Variants in FMN1 observed in about 807,000 individuals in gnomAD.
The protein encoded by FMN1 is formin 1, also known as formin-1.
In FMN1, 110 loss-of-function variants were observed where a neutral mutation model predicts 132.4. The ratio of observed to expected loss-of-function variants is 0.83; its 90% CI spans 0.71 to 0.97. The LOEUF (loss-of-function observed/expected upper bound fraction) is 0.97. Among genes scored for constraint, FMN1 ranks in the 50% least tolerant of loss-of-function variants. The pLI is 0.00. For synonymous variants in FMN1, 722 were observed against 651.7 expected (o/e 1.11, Z -1.64); for missense variants, 1,792 against 1,705.3 (o/e 1.05, Z -0.90).
In FMN1 at chr15:32,968,723, C is replaced by T. The variant is rs2031477563; in HGVS notation, c.2978G>A (p.Ser993Asn). The T allele has an allele frequency of 6.2e-7, 1 of 1,613,454 alleles. No homozygotes were observed. The highest frequency in any genetic ancestry group is 1.3e-5 in the African/African-American group (1 of 74,864). ...KPLYWTRIQISDRSQNATPTL... is the reference protein window; with the variant it reads ...KPLYWTRIQINDRSQNATPTL... ...ATAGGGGAGAACTTACCTCCTATCACTTATTTGTATCCTAGTCCAATATAA... is the reference window on the plus strand; with the variant it reads ...ATAGGGGAGAACTTACCTCCTATCATTTATTTGTATCCTAGTCCAATATAA... The change falls in exon 8 of 21, where the codon AGT becomes AAT. Residue 993 changes from serine to asparagine, a missense_variant. By Grantham distance (46) the Ser-to-Asn change is conservative (BLOSUM62 1). Transcript: ENST00000616417.
At chr15:33,067,735 T>C (rs2037812258) in intron 5 of FMN1, 19 of 1,613,924 alleles carry the variant, frequency 1.2e-5, no homozygotes, top group Non-Finnish European at 1.4e-5. Context: ...CTTCCTCTTC[T>C]GGATTCACAG....
intron 5 of FMN1, among the ~76,000 whole-genome samples, chr15:33,065,816 T>C (rs1005595706): frequency 6.6e-6 from 1 of 152,222 alleles, no homozygotes; most frequent in African/African-American, 2.4e-5. Context: ...TGCTCATCTT[T>C]ATAAATTACC....
chr15:32,782,094 A>G (rs1258714), intron 19 of FMN1, among the ~76,000 whole-genome samples: 149,238 of 152,318 alleles, frequency 0.98, 73,178 homozygotes, highest in Middle Eastern at 1. Flanking sequence ...CTTTTCTTAA[A>G]TGACAAAGCA....
chr15:33,031,746 A>C (rs561833887), intron 6 of FMN1, among the ~76,000 whole-genome samples: 21 of 152,220 alleles, frequency 1.4e-4, no homozygotes, highest in Non-Finnish European at 3.1e-4. Context: ...GGCCAGGCTC[A>C]TGAAATTCAC....
chr15:32,972,031 GT>G (rs1404578700), intron 7 of FMN1, among the ~76,000 whole-genome samples: 4 of 152,032 alleles, frequency 2.6e-5, no homozygotes, highest in African/African-American at 9.7e-5. Context: ...CTGTACCTCA[GT>G]TTTTTTTGTA....
In FMN1 at chr15:32,975,179, C is replaced by A. The variant is rs56028121; in HGVS notation, c.2224-5702G>T. On this transcript the variant is annotated intron_variant, in intron 7 of 20. Transcript: ENST00000616417. ...TTAAACTTTTCTTAATTCTGCTTGA[C>A]AAAAGTATTCCTTTTTGTTTCCAAA... is the stretch of plus-strand genomic sequence containing the variant. Among the ~76,000 whole-genome samples the A allele has an allele frequency of 7.8e-3, 1,183 of 152,198 alleles. 15 individuals are homozygous for A. Among genetic ancestry groups the A allele is most frequent in the African/African-American group, 0.027 (1,141 of 41,528 alleles).
chr15:32,773,601 G>C lies in FMN1; in HGVS notation c.*709C>G, dbSNP rs1159523175. ...AGGACCGATGTAAAAACAAGAATGG[G>C]CCTCACTTAACAACTGATGTCAACT... On this transcript the variant is annotated 3_prime_UTR_variant, in exon 21 of 21. Coordinates refer to ENST00000616417, the MANE Select transcript of FMN1 (RefSeq NM_001277313.2). 6.6e-6 allele frequency: 1 copy of C among 152,096 alleles called. No homozygotes were observed. Among genetic ancestry groups the C allele is most frequent in the African/African-American group, 2.4e-5 (1 of 41,356 alleles). The allele number at this position is 152,096 out of a possible 1,614,324, so 9.4% of individuals were successfully genotyped here.
chr15:32,843,242 A>G (rs1442490318), intron 17 of FMN1, among the ~76,000 whole-genome samples: 1 of 152,222 alleles, frequency 6.6e-6, no homozygotes, highest in Non-Finnish European at 1.5e-5. Flanking sequence ...CAACAGAAAC[A>G]ATGAGAAAAC....
rs1163402613 is a variant in FMN1 at position 32,919,315 on chromosome 15, C to G, written c.3226+6859G>C. 4.6e-5 allele frequency among the ~76,000 whole-genome samples: 7 copies of G among 152,262 alleles called. No individual in the cohort carries two copies. In the South Asian group the frequency reaches 1.5e-3, roughly 32 times the overall value. On this transcript the variant is annotated intron_variant, in intron 10 of 20. Coordinates refer to ENST00000616417, the MANE Select transcript of FMN1 (RefSeq NM_001277313.2). ...AATGGTAGAGCAGACACTTTGGTTG[C>G]TAGTACAAACTCTTCATCAGTTATG...
chr15:33,121,330 A>G (rs1175380483), intron 4 of FMN1, among the ~76,000 whole-genome samples: 1 of 152,194 alleles, frequency 6.6e-6, no homozygotes, highest in Admixed American at 6.5e-5. Context: ...CTCAGACCAC[A>G]TGGCGGATTC....
chr15:33,163,122 G>A (rs537857624), intron 3 of FMN1, among the ~76,000 whole-genome samples: 5 of 152,034 alleles, frequency 3.3e-5, no homozygotes, highest in South Asian at 2.1e-4. Context: ...GTGAGACACT[G>A]CTTCAAAAAA....
intron 4 of FMN1, among the ~76,000 whole-genome samples, chr15:33,133,660 G>A (rs1264360666): frequency 1.3e-5 from 2 of 152,164 alleles, no homozygotes; most frequent in African/African-American, 4.8e-5. Flanking sequence ...TTTCTTCAAA[G>A]GATCCTAAAG....
chr15:32,889,619 C>T (rs1055717969), intron 15 of FMN1, among the ~76,000 whole-genome samples: 3 of 152,166 alleles, frequency 2.0e-5, no homozygotes, highest in Non-Finnish European at 4.4e-5. Flanking sequence ...CGACCCTTCC[C>T]TAGTGCCTCC....
intron 6 of FMN1, among the ~76,000 whole-genome samples, chr15:33,052,586 C>G (rs1203696879): frequency 6.6e-6 from 1 of 152,176 alleles, no homozygotes; most frequent in African/African-American, 2.4e-5. Flanking sequence ...CCAGAGTTAG[C>G]ATCAGACTCC....
rs1239993407 is a variant in FMN1 at position 32,898,977 on chromosome 15, G to T, written c.3655-84C>A. On this transcript the variant is annotated intron_variant, in intron 14 of 20. Coordinates refer to ENST00000616417, the MANE Select transcript of FMN1 (RefSeq NM_001277313.2). ...GGTTGAGAGGTGAAATCTCAGTTGA[G>T]AAATTTCTAATTCGTGAAAACTGGC... 1.1e-5 allele frequency: 10 copies of T among 945,312 alleles called. No individual in the cohort carries two copies. In the African/African-American group the frequency reaches 1.6e-4, roughly 16 times the overall value. The allele number at this position is 945,312 out of a possible 1,614,324, so 58.6% of individuals were successfully genotyped here. A position where few individuals can be genotyped will look rare whatever the true frequency, so the allele number is the denominator to read the frequency against.
chr15:32,811,539 A>T (rs2057878026), intron 17 of FMN1, among the ~76,000 whole-genome samples: 1 of 152,020 alleles, frequency 6.6e-6, no homozygotes, highest in Admixed American at 6.5e-5. Flanking sequence ...CATAAAATAA[A>T]AAAAAAAAAT....
intron 6 of FMN1, among the ~76,000 whole-genome samples, chr15:33,058,946 T>G (rs2037359233): frequency 6.6e-6 from 1 of 152,192 alleles, no homozygotes; most frequent in Non-Finnish European, 1.5e-5. Context: ...AATACATTAT[T>G]TTTTACTATA....
At chr15:32,841,008 C>G (rs2058734625) in intron 17 of FMN1, among the ~76,000 whole-genome samples, 1 of 152,130 alleles carries the variant, frequency 6.6e-6, no homozygotes, top group Non-Finnish European at 1.5e-5. Context: ...AATTTAAAAA[C>G]AAACAAACCA....
chr15:32,785,218 A>ATATATATTTT (rs1444523400), intron 19 of FMN1, among the ~76,000 whole-genome samples: 54 of 39,196 alleles, frequency 1.4e-3, no homozygotes, highest in African/African-American at 5.7e-3. Flanking sequence ...ATATATATAT[A>ATATATATTTT]TTTTTTTTTT....
Sources: gnomAD v4.1 joint callset for allele counts (sites outside exome capture counted in the v4.1 genomes callset) on GRCh38, gnomAD v4.1.1 for gene constraint, MANE v1.5 for transcripts, NCBI Gene and HGNC (gene_info 2026-07-23, HGNC 2026-07-21) for gene names.